COL7A1: variants seen among roughly 807,000 people sequenced by gnomAD.
COL7A1 encodes collagen type VII alpha 1 chain.
In COL7A1, 296 loss-of-function variants were observed where a neutral mutation model predicts 456.2. The observed-to-expected ratio is 0.65, with a 90% CI of 0.59 to 0.71. The LOEUF is 0.71. Among genes scored for constraint, COL7A1 ranks in the 30% least tolerant of loss-of-function variants. The pLI is 0.00. For synonymous variants in COL7A1, 1,464 were observed against 1,525.9 expected, an observed-to-expected ratio of 0.96 and a Z score of 0.95; for missense variants, 3,441 against 4,017.2, an observed-to-expected ratio of 0.86 and a Z score of 3.88.
chr3:48,589,800 C>T, intron 16 of COL7A1, 82 bp from the exon 17 acceptor site: 1 of 1,597,800 alleles, frequency 6.3e-7, no homozygotes, highest in Non-Finnish European at 8.6e-7. Context: ...TGATGGGAGT[C>T]TAACAGGAGA....
chr3:48,588,463 C>G lies in COL7A1; in HGVS notation c.2588-59G>C. 2.5e-6 allele frequency: 4 copies of G among 1,597,318 alleles called. No individual in the cohort carries two copies. The highest frequency in any genetic ancestry group is 3.4e-6 in the Non-Finnish European group (4 of 1,177,018). ...GCCCCCATGGCCCCTGCACCAATCC[C>G]AGGCCCACCCTGGCACACGCACCCC... On this transcript the variant is annotated intron_variant, in intron 20 of 118. Transcript: ENST00000681320. This position sits in a 1 kb window ranked among gnomAD's most constrained non-coding sequence, Gnocchi z 4.6.
At position 48,579,617 on chromosome 3, in the gene COL7A1, G is replaced by T. The variant is rs2044586156; in HGVS notation, c.5206C>A (p.Pro1736Thr). 2.5e-6 allele frequency: 4 copies of T among 1,613,764 alleles called. No individual in the cohort carries two copies. The highest frequency in any genetic ancestry group is 3.4e-6 in the Non-Finnish European group (4 of 1,179,998). The change falls in exon 59 of 119, where the codon CCT (proline) becomes ACT (threonine). Residue 1736 changes from proline (P) to threonine (T), a missense_variant. Around this residue, in one of 3 missense-constraint regions of COL7A1, gnomAD observed 2,084 missense variants for 2,501.3 expected, o/e 0.83. Coordinates refer to ENST00000681320, the MANE Select transcript of COL7A1 (RefSeq NM_000094.4). The surrounding 1 kb of genome is among the most constrained non-coding windows in gnomAD (Gnocchi z 4.4). ...QEGPRGPKGD[P>T]GLPGAPGERG... The stretch of plus-strand genomic sequence containing the variant: ...TCCCCAGGGGCTCCAGGGAGGCCAG[G>T]ATCACCCTTGGGCCCTCGAGGACCC...
At position 48,566,260 on chromosome 3, in the gene COL7A1, C is replaced by G. The variant is rs534348346; in HGVS notation, c.8407+7G>C. ...GAGTGGGAGACTGCGGGCTGGGCAC[C>G]ACTCACCACAGTGCTGACTCATCTC... On this transcript the variant is annotated splice_region_variant and intron_variant, in intron 114 of 118. Coordinates refer to ENST00000681320, the MANE Select transcript of COL7A1 (RefSeq NM_000094.4). The surrounding 1 kb of genome is among the most constrained non-coding windows in gnomAD (Gnocchi z 5.9). The G allele has an allele frequency of 6.3e-7, 1 of 1,597,594 alleles. No homozygotes were observed. The highest frequency in any genetic ancestry group is 8.5e-7 in the Non-Finnish European group (1 of 1,173,290).
At position 48,594,082 on chromosome 3, in the gene COL7A1, G is replaced by A. The variant is rs1044108355; in HGVS notation, c.266+286C>T. 2.0e-5 allele frequency among the ~76,000 whole-genome samples: 3 copies of A among 152,216 alleles called. No homozygotes were observed. Among genetic ancestry groups the A allele is most frequent in the African/African-American group, 7.2e-5 (3 of 41,458 alleles). Reference sequence around the variant, plus strand: ...CTAGAACGTGGAGAATCCAACAGGCGTGGGGGCCCCCTCCTGGGCTCCCCA... The same window carrying A: ...CTAGAACGTGGAGAATCCAACAGGCATGGGGGCCCCCTCCTGGGCTCCCCA... On this transcript the variant is annotated intron_variant, in intron 3 of 118. Coordinates refer to ENST00000681320, the MANE Select transcript of COL7A1 (RefSeq NM_000094.4). This position sits in a 1 kb window ranked among gnomAD's most constrained non-coding sequence, Gnocchi z 5.5.
In COL7A1 at chr3:48,572,331, GGAGA is replaced by G; in HGVS notation, c.6978+45_6978+48del. 6.2e-7 allele frequency: 1 copy of G among 1,614,054 alleles called. No homozygotes were observed. The highest frequency in any genetic ancestry group is 1.6e-4 in the Middle Eastern group (1 of 6,062). The stretch of plus-strand genomic sequence containing the variant: ...GTCGAAGGTCAGAAGTTAGGCCACT[GGAGA>G]GACAGGACCCCCAGAACATCTGCTG... On this transcript the variant is annotated intron_variant, in intron 90 of 118. Transcript: ENST00000681320. This position sits in a 1 kb window ranked among gnomAD's most constrained non-coding sequence, Gnocchi z 4.6.
chr3:48,581,850 A>G lies in COL7A1; in HGVS notation c.4668+61T>C, dbSNP rs2044782829. 6.2e-7 allele frequency: 1 copy of G among 1,613,090 alleles called. No individual in the cohort carries two copies. Among genetic ancestry groups the G allele is most frequent in the African/African-American group, 1.3e-5 (1 of 74,872 alleles). On this transcript the variant is annotated intron_variant, in intron 48 of 118. Coordinates refer to ENST00000681320, the MANE Select transcript of COL7A1 (RefSeq NM_000094.4). The surrounding 1 kb of genome is among the most constrained non-coding windows in gnomAD (Gnocchi z 5.8). ...CTGTGACCCCCCAAGTCCCATAGATAGGCCCTATGACCTAGACCTCAACCC... is the reference window on the plus strand; with the variant it reads ...CTGTGACCCCCCAAGTCCCATAGATGGGCCCTATGACCTAGACCTCAACCC...
rs1168472401 is a variant in COL7A1, at chr3:48,571,288, C to T, written c.7069-10G>A. 21 of 1,614,026 alleles carry T rather than the reference C, an allele frequency of 1.3e-5. No homozygotes were observed. The highest frequency in any genetic ancestry group is 1.8e-5 in the Non-Finnish European group (21 of 1,180,036). The stretch of plus-strand genomic sequence containing the variant: ...GAGCCCCTTTCTGACCCTAAGAAAA[C>T]CCAGCAAACAGCATTTGAGAGGGTA... On this transcript the variant is annotated splice_polypyrimidine_tract_variant and intron_variant, in intron 92 of 118. Coordinates refer to ENST00000681320, the MANE Select transcript of COL7A1 (RefSeq NM_000094.4). The surrounding 1 kb of genome is among the most constrained non-coding windows in gnomAD (Gnocchi z 4.6).
At position 48,579,934 on chromosome 3, in the gene COL7A1, G is replaced by A. The variant is rs2044619354; in HGVS notation, c.5124+97C>T. ...CGGAGGTTTCAGAGGGACAGTGGGGGAAGTGGGAGTTAGTGGAAGGAATGA... is the reference window on the plus strand; with the variant it reads ...CGGAGGTTTCAGAGGGACAGTGGGGAAAGTGGGAGTTAGTGGAAGGAATGA... On this transcript the variant is annotated intron_variant, in intron 57 of 118. Coordinates refer to ENST00000681320, the MANE Select transcript of COL7A1 (RefSeq NM_000094.4). The surrounding 1 kb of genome is among the most constrained non-coding windows in gnomAD (Gnocchi z 4.4). 1.2e-5 allele frequency: 19 copies of A among 1,604,618 alleles called. No individual in the cohort carries two copies. The South Asian group carries it at 2.0e-4, about 17-fold the overall frequency.
chr3:48,567,865 A>G lies in COL7A1; in HGVS notation c.7902T>C (p.Cys2634=). 6.2e-7 allele frequency: 1 copy of G among 1,613,316 alleles called. No individual in the cohort carries two copies. Among genetic ancestry groups the G allele is most frequent in the South Asian group, 1.1e-5 (1 of 91,060 alleles). ...TGTCTCCCTTCTCTCCATCAAGGCC[A>G]CAGGCTCCCTTCACTCCCCGTTCAC... ...LKGERGVKGA[C]GLDGEKGDKG... is the part of the protein sequence containing the mutation. The change falls in exon 107 of 119, where the codon TGT becomes TGC. Residue 2634 remains cysteine, a synonymous_variant. Transcript: ENST00000681320. The surrounding 1 kb of genome is among the most constrained non-coding windows in gnomAD (Gnocchi z 4.3).
chr3:48,582,063 TCA>T, intron 47 of COL7A1, 120 bp from the exon 48 acceptor site: 3 of 1,431,406 alleles, frequency 2.1e-6, no homozygotes, highest in Non-Finnish European at 3.0e-6. Context: ...CGCCCAGAAG[TCA>T]CAGAGTCACC....
At position 48,579,967 on chromosome 3, in the gene COL7A1, T is replaced by A. The variant is rs2044621619; in HGVS notation, c.5124+64A>T. ...AGTTAGTGGAAGGAATGAGGGGACA[T>A]GATGTGGAGCCAAAGGGGCAAGTGA... is the stretch of plus-strand genomic sequence containing the variant. On this transcript the variant is annotated intron_variant, in intron 57 of 118. Coordinates refer to ENST00000681320, the MANE Select transcript of COL7A1 (RefSeq NM_000094.4). This position sits in a 1 kb window ranked among gnomAD's most constrained non-coding sequence, Gnocchi z 4.4. The A allele has an allele frequency of 6.2e-7, 1 of 1,610,292 alleles. No individual in the cohort carries two copies. The highest frequency in any genetic ancestry group is 8.5e-7 in the Non-Finnish European group (1 of 1,176,974).
chr3:48,576,910 C>T lies in COL7A1; in HGVS notation c.5578G>A (p.Gly1860Arg). ...PGEDGRKGEK[G>R]DSGASGREGR... ...TCTCTCCCAGAGGCGCCTGAATCTCCTTTCTCTCCCTAAGGAAGACAAGGA... is the reference window on the plus strand; with the variant it reads ...TCTCTCCCAGAGGCGCCTGAATCTCTTTTCTCTCCCTAAGGAAGACAAGGA... The change falls in exon 67 of 119, where the codon GGA becomes AGA. Residue 1860 changes from glycine to arginine, a missense_variant. Gly to Arg is a moderately radical substitution (Grantham distance 125). This residue lies in a region of COL7A1 where 2,084 missense variants were observed against 2,501.3 expected (regional missense o/e 0.83). Coordinates refer to ENST00000681320, the MANE Select transcript of COL7A1 (RefSeq NM_000094.4). The T allele has an allele frequency of 6.2e-7, 1 of 1,614,066 alleles. No individual in the cohort carries two copies. The highest frequency in any genetic ancestry group is 8.5e-7 in the Non-Finnish European group (1 of 1,180,026).
rs762404260 is a variant in COL7A1 at position 48,580,854 on chromosome 3, CCT to C, written c.4980+26_4980+27del. 2.4e-4 allele frequency: 384 copies of C among 1,614,086 alleles called. No homozygotes were observed. Among genetic ancestry groups the C allele is most frequent in the Non-Finnish European group, 2.8e-4 (326 of 1,179,998 alleles). On this transcript the variant is annotated intron_variant, in intron 54 of 118. Transcript: ENST00000681320. The surrounding 1 kb of genome is among the most constrained non-coding windows in gnomAD (Gnocchi z 4.5). ...ACCTTCATGCCCACCTCCCATCACC[CCT>C]GTTACTTCTCTCTGCCAAGACTCAC...
At chr3:48,589,036 G>A in intron 18 of COL7A1, 41 bp from the exon 19 acceptor site, 1 of 1,612,654 alleles carries the variant, frequency 6.2e-7, no homozygotes, top group Non-Finnish European at 8.5e-7. Flanking sequence ...GTAGAGAACA[G>A]AGAGGCAGTG....
At position 48,569,811 on chromosome 3, in the gene COL7A1, C is replaced by T; in HGVS notation, c.7522-51G>A. 6.2e-7 allele frequency: 1 copy of T among 1,614,154 alleles called. No homozygotes were observed. Among genetic ancestry groups the T allele is most frequent in the African/African-American group, 1.3e-5 (1 of 75,054 alleles). ...CGCCCAAACTGGGGAGGCCCCGCAC[C>T]TGAATTCTAATATCATACAAGATCC... On this transcript the variant is annotated intron_variant, in intron 100 of 118. Coordinates refer to ENST00000681320, the MANE Select transcript of COL7A1 (RefSeq NM_000094.4). The surrounding 1 kb of genome is among the most constrained non-coding windows in gnomAD (Gnocchi z 4.9).
chr3:48,594,444 G>C lies in COL7A1; in HGVS notation c.190C>G (p.Leu64Val). The change falls in exon 3 of 119, where the codon CTG becomes GTG. Residue 64 changes from leucine (L) to valine (V), a missense_variant. By Grantham distance (32) the Leu-to-Val change is conservative. Coordinates refer to ENST00000681320, the MANE Select transcript of COL7A1 (RefSeq NM_000094.4). The surrounding 1 kb of genome is among the most constrained non-coding windows in gnomAD (Gnocchi z 5.5). The part of the protein sequence containing the change: ...FREVRSFLEG[L>V]VLPFSGAASA... Reference sequence around the variant, plus strand: ...GCTGCTCCAGAGAAAGGCAGCACCAGCCCTTCGAGAAAGCTGCGGACCTCG... The same window carrying C: ...GCTGCTCCAGAGAAAGGCAGCACCACCCCTTCGAGAAAGCTGCGGACCTCG... 1 of 1,612,190 alleles carries C rather than the reference G, an allele frequency of 6.2e-7. No individual in the cohort carries two copies. The highest frequency in any genetic ancestry group is 1.1e-5 in the South Asian group (1 of 91,004).
Position 48,585,108 on chromosome 3 carries a change from A to G in COL7A1, c.3903T>C (p.Pro1301=). 2 of 1,611,438 alleles carry G rather than the reference A, an allele frequency of 1.2e-6. No individual in the cohort carries two copies. Among genetic ancestry groups the G allele is most frequent in the Non-Finnish European group, 8.5e-7 (1 of 1,179,798 alleles). Residue 1301 remains proline, a synonymous_variant, in exon 33 of 119, where the codon CCT becomes CCC. Transcript: ENST00000681320. The surrounding 1 kb of genome is among the most constrained non-coding windows in gnomAD (Gnocchi z 4.5). ...SATAKGERGF[P]GADGRPGSPG... is the part of the protein sequence containing the mutation. ...GGCTGCCTGGACGCCCATCTGCTCC[A>G]GGGAAGCCCTGAGGAGGTGAAGAGG...
rs1234189546 is a variant in COL7A1, at chr3:48,585,445, G to A, written c.3894+112C>T. ...GTGGTGGTTTATAACCTCCAGCTGG[G>A]CTTCTAGGAATTCCCGATGATTCTA... On this transcript the variant is annotated intron_variant, in intron 32 of 118. Transcript: ENST00000681320. This position sits in a 1 kb window ranked among gnomAD's most constrained non-coding sequence, Gnocchi z 4.5. 2 of 1,275,756 alleles carry A rather than the reference G, an allele frequency of 1.6e-6. No individual in the cohort carries two copies. Among genetic ancestry groups the A allele is most frequent in the Non-Finnish European group, 2.3e-6 (2 of 880,816 alleles). 79.0% of individuals were successfully genotyped at this position (1,275,756 alleles called of 1,614,324 possible).
rs767309650 is a variant in COL7A1, at chr3:48,571,583, G to A, written c.7069-305C>T. ...CAGACGTGAGTGCGGACACACGGGCGCTCAGAGGGGAACCCCAACACGTCC... is the reference window on the plus strand; with the variant it reads ...CAGACGTGAGTGCGGACACACGGGCACTCAGAGGGGAACCCCAACACGTCC... On this transcript the variant is annotated intron_variant, in intron 92 of 118. Transcript: ENST00000681320. The surrounding 1 kb of genome is among the most constrained non-coding windows in gnomAD (Gnocchi z 4.6). 11 of 668,720 alleles carry A rather than the reference G, an allele frequency of 1.6e-5. No individual in the cohort carries two copies. Among genetic ancestry groups the A allele is most frequent in the Non-Finnish European group, 2.8e-5 (10 of 354,468 alleles). The allele number at this position is 668,720 out of a possible 1,614,324, so 41.4% of individuals were successfully genotyped here.
Sources: allele counts gnomAD v4.1 joint callset (sites outside exome capture counted in the v4.1 genomes callset), GRCh38; gene constraint gnomAD v4.1.1; regional missense constraint gnomAD v4.1.1; non-coding constraint Gnocchi (gnomAD v3.1); transcripts MANE v1.5; gene names NCBI Gene and HGNC (gene_info 2026-07-23, HGNC 2026-07-21).